Variants in MET observed in about 807,000 individuals in gnomAD.
MET encodes hepatocyte growth factor receptor.
Under a neutral mutation model 133.1 loss-of-function variants are expected in MET, and 48 were observed. The observed-to-expected ratio is 0.36, with a 90% CI of 0.29 to 0.46. The LOEUF is 0.46. Among genes scored for constraint, MET ranks in the 20% least tolerant of loss-of-function variants. MET has a pLI of 1.00. For missense variants in MET, 1,442 were observed against 1,695.9 expected, an observed-to-expected ratio of 0.85 and a Z score of 2.63; for synonymous variants, 628 against 616.5, an observed-to-expected ratio of 1.02 and a Z score of -0.28.
At chr7:116,792,957 C>T (rs1023654209) in intron 19 of MET, among the ~76,000 whole-genome samples, 2 of 152,218 alleles carry the variant, frequency 1.3e-5, no homozygotes, top group African/African-American at 2.4e-5. Context: ...CAAATACACT[C>T]TTTCACTACC....
intron 17 of MET, 54 bp downstream of exon 17, chr7:116,779,011 C>T (rs2117049185): frequency 6.3e-7 from 1 of 1,579,880 alleles, no homozygotes; most frequent in Non-Finnish European, 8.7e-7. Context: ...GCCAGCCATC[C>T]CTTCAAAATA....
intron 5 of MET, among the ~76,000 whole-genome samples, chr7:116,753,742 A>G (rs1035871824): frequency 6.6e-6 from 1 of 152,228 alleles, no homozygotes; most frequent in Non-Finnish European, 1.5e-5. Context: ...ACATGTATTA[A>G]ATATTACATA....
At chr7:116,723,640 G>A (rs1206834725) in intron 2 of MET, among the ~76,000 whole-genome samples, 1 of 152,024 alleles carries the variant, frequency 6.6e-6, no homozygotes, top group Non-Finnish European at 1.5e-5. Context: ...TTTGATGATG[G>A]TGATGTACAG....
At chr7:116,675,766 T>A (rs547627648) in intron 1 of MET, among the ~76,000 whole-genome samples, 11 of 149,086 alleles carry the variant, frequency 7.4e-5, no homozygotes, top group South Asian at 2.1e-4. Flanking sequence ...TTTTTTTTTT[T>A]AATTTCTTTT....
At chr7:116,672,979 T>A (rs904633047) in intron 1 of MET, among the ~76,000 whole-genome samples, 1 of 152,126 alleles carries the variant, frequency 6.6e-6, no homozygotes, top group African/African-American at 2.4e-5. Flanking sequence ...CCTTGCTTTA[T>A]CTGTGTTATG....
chr7:116,796,311 G>A lies in MET; in HGVS notation c.*187G>A. On this transcript the variant is annotated 3_prime_UTR_variant, in exon 21 of 21. Coordinates refer to ENST00000397752, the MANE Select transcript of MET (RefSeq NM_000245.4). ...GACAGAGCATCAGAACCAGAGGCTT[G>A]GTCCCACAGGCCACGGACCAATGGC... 1.6e-6 allele frequency: 1 copy of A among 643,366 alleles called. No individual in the cohort carries two copies. 39.9% of individuals were successfully genotyped at this position (643,366 alleles called of 1,614,324 possible).
chr7:116,721,929 T>G (rs1181971857), intron 2 of MET, among the ~76,000 whole-genome samples: 2 of 151,906 alleles, frequency 1.3e-5, no homozygotes, highest in African/African-American at 2.4e-5. Flanking sequence ...TTGGAATAGG[T>G]GTGGTGTGGT....
At chr7:116,747,339 A>T (rs573206724) in intron 5 of MET, among the ~76,000 whole-genome samples, 2 of 152,294 alleles carry the variant, frequency 1.3e-5, no homozygotes, top group Admixed American at 1.3e-4. Context: ...GGCAAATTGG[A>T]TAAAGAGTCA....
chr7:116,737,082 T>A (rs985966056), intron 3 of MET, among the ~76,000 whole-genome samples: 17 of 152,160 alleles, frequency 1.1e-4, no homozygotes, highest in African/African-American at 4.1e-4. Flanking sequence ...GGGCTAATGA[T>A]CAACTAAAAA....
intron 19 of MET, among the ~76,000 whole-genome samples, chr7:116,788,036 C>T (rs924338967): frequency 3.9e-4 from 60 of 152,122 alleles, no homozygotes; most frequent in African/African-American, 1.4e-3. Context: ...GCATGATAAA[C>T]CTCAGAAACA....
At chr7:116,715,651 G>A (rs576981888) in intron 2 of MET, among the ~76,000 whole-genome samples, 2 of 152,298 alleles carry the variant, frequency 1.3e-5, no homozygotes, top group African/African-American at 2.4e-5. Flanking sequence ...TCTGGCACTG[G>A]ATTCATTTCA....
chr7:116,763,566 C>G (rs532240873), intron 11 of MET, among the ~76,000 whole-genome samples: 1 of 152,192 alleles, frequency 6.6e-6, no homozygotes, highest in South Asian at 2.1e-4. Flanking sequence ...TGATGTTATA[C>G]ATTTCCCCGG....
At position 116,699,773 on chromosome 7, in the gene MET, C is replaced by T. The variant is rs587780740; in HGVS notation, c.689C>T (p.Thr230Met). Residue 230 changes from threonine (T) to methionine (M), a missense_variant, in exon 2 of 21, where the codon ACG becomes ATG. Around this residue, in one of 6 missense-constraint regions of MET, gnomAD observed 762 missense variants for 792.4 expected, o/e 0.96. Transcript: ENST00000397752. Reference protein sequence around the residue: ...KETKDGFMFLTDQSYIDVLPE... With the variant: ...KETKDGFMFLMDQSYIDVLPE... ...ACGAAAGATGGTTTTATGTTTTTGA[C>T]GGACCAGTCCTACATTGATGTTTTA... The T allele has an allele frequency of 2.5e-5, 41 of 1,613,976 alleles. No individual in the cohort carries two copies. In the East Asian group the frequency reaches 3.1e-4, roughly 12 times the overall value.
At chr7:116,739,108 A>G (rs551976686) in intron 3 of MET, among the ~76,000 whole-genome samples, 1 of 152,310 alleles carries the variant, frequency 6.6e-6, no homozygotes, top group South Asian at 2.1e-4. Context: ...GAGAACTCCA[A>G]CACCCTCCTA....
intron 5 of MET, among the ~76,000 whole-genome samples, chr7:116,755,004 GAA>G (rs1465972466): frequency 2.0e-5 from 3 of 147,682 alleles, no homozygotes; most frequent in Admixed American, 1.4e-4. Context: ...AAGAAAGAAA[GAA>G]AGAAAGAAAG....
At position 116,796,508 on chromosome 7, in the gene MET, C is replaced by T. The variant is rs963496991; in HGVS notation, c.*384C>T. ...GAGATAGTAATGCTCAGGACAGGAG[C>T]GGCAGCCCCAGAACAGGCCACTCAT... On this transcript the variant is annotated 3_prime_UTR_variant, in exon 21 of 21. Coordinates refer to ENST00000397752, the MANE Select transcript of MET (RefSeq NM_000245.4). The T allele has an allele frequency of 3.1e-5, 12 of 383,152 alleles. No individual in the cohort carries two copies. Among genetic ancestry groups the T allele is most frequent in the Admixed American group, 4.3e-5 (1 of 23,488 alleles). 23.7% of individuals were successfully genotyped at this position (383,152 alleles called of 1,614,324 possible).
chr7:116,753,529 A>G (rs1794010559), intron 5 of MET, among the ~76,000 whole-genome samples: 2 of 152,242 alleles, frequency 1.3e-5, no homozygotes, highest in South Asian at 4.1e-4. Flanking sequence ...CAATAAATCC[A>G]TTGATAACAT....
At position 116,757,498 on chromosome 7, in the gene MET, A is replaced by G. The variant is rs1554395374; in HGVS notation, c.1924A>G (p.Asn642Asp). 1 of 1,613,902 alleles carries G rather than the reference A, an allele frequency of 6.2e-7. No homozygotes were observed. The highest frequency in any genetic ancestry group is 8.5e-7 in the Non-Finnish European group (1 of 1,179,944). The part of the protein sequence containing the change: ...KHFNMSIIIS[N>D]GHGTTQYSTF... ...TTTCAATATGTCCATAATTATTTCA[A>G]ATGGCCACGGGACAACACAATACAG... Residue 642 changes from asparagine (N) to aspartate (D), a missense_variant, in exon 7 of 21, where the codon AAT becomes GAT. By Grantham distance (23) the Asn-to-Asp change is conservative. Coordinates refer to ENST00000397752, the MANE Select transcript of MET (RefSeq NM_000245.4).
chr7:116,749,110 G>A (rs1793818023), intron 5 of MET, among the ~76,000 whole-genome samples: 1 of 152,160 alleles, frequency 6.6e-6, no homozygotes, highest in South Asian at 2.1e-4. Flanking sequence ...ATTTTATGAG[G>A]CCAGCATCAT....
Sources: gnomAD v4.1 joint callset for allele counts (sites outside exome capture counted in the v4.1 genomes callset) on GRCh38, gnomAD v4.1.1 for gene constraint, gnomAD v4.1.1 regional missense constraint, MANE v1.5 for transcripts, NCBI Gene and HGNC (gene_info 2026-07-23, HGNC 2026-07-21) for gene names.